The following RGS7 variants were observed in gnomAD, a reference collection of about 807,000 sequenced individuals.
RGS7 encodes the protein regulator of G-protein signaling 7.
RGS7 carries 27 observed loss-of-function variants against 81.1 expected under a neutral mutation model. The ratio of observed to expected loss-of-function variants is 0.33; its 90% CI spans 0.25 to 0.46. The LOEUF (loss-of-function observed/expected upper bound fraction) is 0.46. Ranked by LOEUF, RGS7 falls within the 20% of genes least tolerant of loss-of-function variation. The probability of loss-of-function intolerance (pLI) is 1.00; values close to 1 mark genes in which losing one functional copy is unlikely to be tolerated. For synonymous variants in RGS7, 208 were observed against 207.7 expected, an observed-to-expected ratio of 1.00 and a Z score of -0.01; for missense variants, 396 against 607.4, an observed-to-expected ratio of 0.65 and a Z score of 3.66.
intron 18 of RGS7, among the ~76,000 whole-genome samples, chr1:240,790,749 C>T (rs564239558): frequency 2.0e-5 from 3 of 152,254 alleles, no homozygotes; most frequent in Admixed American, 6.5e-5. Flanking sequence ...AGAAAAGATT[C>T]TTGCAATGGG....
intron 10 of RGS7, among the ~76,000 whole-genome samples, chr1:240,826,119 C>A (rs1692768396): frequency 6.6e-6 from 1 of 152,274 alleles, no homozygotes; most frequent in East Asian, 1.9e-4. Context: ...AGAGACAGAC[C>A]AGACAGGCTT....
At chr1:240,796,560 C>T (rs1687102820) in intron 18 of RGS7, among the ~76,000 whole-genome samples, 1 of 152,134 alleles carries the variant, frequency 6.6e-6, no homozygotes, top group Admixed American at 6.5e-5. Context: ...TTGGCGGGTG[C>T]CTGTAGTCCC....
chr1:241,352,185 A>C (rs2083290062), intron 2 of RGS7, among the ~76,000 whole-genome samples: 1 of 152,198 alleles, frequency 6.6e-6, no homozygotes, highest in Non-Finnish European at 1.5e-5. Flanking sequence ...TCAACACCAA[A>C]TAACACTGAG....
chr1:241,025,647 C>T (rs1038371453), intron 3 of RGS7, among the ~76,000 whole-genome samples: 8 of 151,516 alleles, frequency 5.3e-5, no homozygotes, highest in Non-Finnish European at 1.0e-4. Context: ...TTATCTATGC[C>T]TCAAGAACCA....
At chr1:241,227,113 T>C (rs181291872) in intron 2 of RGS7, among the ~76,000 whole-genome samples, 1 of 152,132 alleles carries the variant, frequency 6.6e-6, no homozygotes, top group Admixed American at 6.5e-5. Flanking sequence ...TTCACTTATG[T>C]CAAGAGGGGA....
chr1:241,259,667 A>AAAAAAAAATATAT lies in RGS7; in HGVS notation c.78+96031_78+96032insATATATTTTTTTT. Among the ~76,000 whole-genome samples the AAAAAAAAATATAT allele has an allele frequency of 8.9e-3, 439 of 49,064 alleles. 5 individuals are homozygous for AAAAAAAAATATAT. The highest frequency in any genetic ancestry group is 0.013 in the Non-Finnish European group (349 of 27,502). The allele number at this position is 49,064 out of a possible 152,430, so 32.2% of individuals were successfully genotyped here. On this transcript the variant is annotated intron_variant, in intron 2 of 18. Coordinates refer to ENST00000440928, the MANE Select transcript of RGS7 (RefSeq NM_001364886.1). ...CTCCGTCTCAAAAAAAAAAAAAAAA[A>AAAAAAAAATATAT]ATATATATATATATATATAATTAAA...
intron 2 of RGS7, among the ~76,000 whole-genome samples, chr1:241,242,765 C>T (rs1309444930): frequency 1.3e-5 from 2 of 152,104 alleles, no homozygotes; most frequent in Admixed American, 1.3e-4. Flanking sequence ...TGTTTCTTGG[C>T]CATTTTCACA....
intron 3 of RGS7, among the ~76,000 whole-genome samples, chr1:241,005,204 C>A (rs1286952425): frequency 6.6e-6 from 1 of 151,956 alleles, no homozygotes; most frequent in Non-Finnish European, 1.5e-5. Context: ...TGAAGTTGCT[C>A]AAAACAAAAG....
intron 4 of RGS7, among the ~76,000 whole-genome samples, chr1:240,956,170 A>G (rs2447693): frequency 0.87 from 132,333 of 152,148 alleles, 57,735 homozygotes; most frequent in Admixed American, 0.93. Flanking sequence ...TGATGCACAC[A>G]CTCTCTACCT....
intron 3 of RGS7, among the ~76,000 whole-genome samples, chr1:241,034,156 T>C (rs1167819791): frequency 6.6e-6 from 1 of 152,144 alleles, no homozygotes; most frequent in African/African-American, 2.4e-5. Context: ...CCAAGGGACA[T>C]AAAAGAAATT....
At chr1:241,243,816 T>A (rs1173474580) in intron 2 of RGS7, among the ~76,000 whole-genome samples, 1 of 152,216 alleles carries the variant, frequency 6.6e-6, no homozygotes, top group African/African-American at 2.4e-5. Flanking sequence ...TCCTGGAGCA[T>A]CCAGCAGAGA....
chr1:240,790,782 T>C (rs567975767), intron 18 of RGS7, among the ~76,000 whole-genome samples: 2 of 152,278 alleles, frequency 1.3e-5, no homozygotes, highest in Admixed American at 6.5e-5. Flanking sequence ...CCCAGGGAAA[T>C]AGGGACCTCT....
chr1:240,823,493 C>T (rs975830382), intron 10 of RGS7: 5 of 187,674 alleles, frequency 2.7e-5, no homozygotes, highest in East Asian at 1.6e-4. Context: ...TCTACGGAGC[C>T]GCCATCGACG....
intron 2 of RGS7, among the ~76,000 whole-genome samples, chr1:241,176,828 C>G (rs1427733259): frequency 6.6e-6 from 1 of 152,112 alleles, no homozygotes; most frequent in Non-Finnish European, 1.5e-5. Context: ...CTGATAGCCT[C>G]CTGTGCTGCT....
chr1:240,830,835 A>C (rs1693714097), intron 9 of RGS7, among the ~76,000 whole-genome samples: 1 of 152,206 alleles, frequency 6.6e-6, no homozygotes, highest in Non-Finnish European at 1.5e-5. Context: ...TCAACCATTG[A>C]AGGCATAAAG....
At chr1:241,087,281 A>C (rs1431124449) in intron 3 of RGS7, among the ~76,000 whole-genome samples, 2 of 152,248 alleles carry the variant, frequency 1.3e-5, no homozygotes, top group African/African-American at 2.4e-5. Flanking sequence ...TGTGAATAAA[A>C]TAATTTCAGA....
At chr1:241,090,136 C>T (rs1026371631) in intron 3 of RGS7, among the ~76,000 whole-genome samples, 3 of 150,580 alleles carry the variant, frequency 2.0e-5, no homozygotes, top group African/African-American at 5.0e-5. Context: ...AGTAGTGTGG[C>T]TGCCCTTTGG....
At chr1:241,352,144 G>A (rs955380442) in intron 2 of RGS7, among the ~76,000 whole-genome samples, 3 of 152,068 alleles carry the variant, frequency 2.0e-5, no homozygotes, top group African/African-American at 4.8e-5. Context: ...GTCTAAAGCC[G>A]ACCAAAAACG....
chr1:240,968,734 A>G (rs1424905256), intron 4 of RGS7, among the ~76,000 whole-genome samples: 1 of 152,172 alleles, frequency 6.6e-6, no homozygotes, highest in East Asian at 1.9e-4. Context: ...ATGACAATGA[A>G]GAGATGGATA....
Sources: gnomAD v4.1 joint callset for allele counts (sites outside exome capture counted in the v4.1 genomes callset) on GRCh38, gnomAD v4.1.1 for gene constraint, MANE v1.5 for transcripts, NCBI Gene and HGNC (gene_info 2026-07-23, HGNC 2026-07-21) for gene names.